The following TENM3 variants were observed in gnomAD, a reference collection of about 807,000 sequenced individuals.
TENM3 encodes teneurin transmembrane protein 3.
TENM3 carries 63 observed loss-of-function variants against 255.1 expected under a neutral mutation model. That is an observed-to-expected ratio of 0.25 (90% confidence interval 0.20 to 0.30). The LOEUF is 0.30. Among genes scored for constraint, TENM3 ranks in the 10% least tolerant of loss-of-function variants. The pLI is 1.00. For missense variants in TENM3, 2,929 were observed against 3,461.1 expected (o/e 0.85, Z 3.86); for synonymous variants, 1,306 against 1,322.3 (o/e 0.99, Z 0.27).
intron 13 of TENM3, among the ~76,000 whole-genome samples, chr4:182,717,470 A>C (rs1036399778): frequency 8.5e-5 from 13 of 152,168 alleles, no homozygotes; most frequent in African/African-American, 3.1e-4. Context: ...TGTTACCCGT[A>C]ATAAGGGCCC....
At chr4:182,065,408 G>A in the TENM3 span, among the ~76,000 whole-genome samples, 1 of 152,216 alleles carries the variant, frequency 6.6e-6, no homozygotes, top group East Asian at 1.9e-4. Flanking sequence ...AGCATGGCTG[G>A]GGAGGCCTGG....
chr4:182,622,390 T>C (rs1750375379), intron 4 of TENM3, among the ~76,000 whole-genome samples: 1 of 152,194 alleles, frequency 6.6e-6, no homozygotes, highest in Non-Finnish European at 1.5e-5. Flanking sequence ...CTCAAGCCCT[T>C]GCCAAGATTG....
intron 1 of TENM3, among the ~76,000 whole-genome samples, chr4:182,266,956 G>A (rs529087949): frequency 6.6e-6 from 1 of 152,234 alleles, no homozygotes; most frequent in East Asian, 1.9e-4. Flanking sequence ...TTAGAAGGTG[G>A]TTTATAATCA....
the TENM3 span, among the ~76,000 whole-genome samples, chr4:181,788,388 A>G: frequency 6.6e-6 from 1 of 152,194 alleles, no homozygotes. Flanking sequence ...AGCTCTTGCT[A>G]GATGCCAAGC....
chr4:181,729,725 G>C, the TENM3 span, among the ~76,000 whole-genome samples: 2 of 152,132 alleles, frequency 1.3e-5, no homozygotes, highest in African/African-American at 2.4e-5. Context: ...CTTTGGTCTT[G>C]TTGCCCTGCC....
chr4:182,653,994 A>G, intron 6 of TENM3, 101 bp downstream of exon 6: 1 of 1,128,212 alleles, frequency 8.9e-7, no homozygotes, highest in Non-Finnish European at 1.2e-6. Flanking sequence ...GGAACAGGGA[A>G]AAGTGTTCGA....
chr4:182,577,241 T>C (rs112712164), intron 3 of TENM3, among the ~76,000 whole-genome samples: 1,637 of 152,364 alleles, frequency 0.011, 38 homozygotes, highest in African/African-American at 0.037. Flanking sequence ...TATATCTGTA[T>C]GCTCAAAAGC....
chr4:181,957,903 G>A, the TENM3 span, among the ~76,000 whole-genome samples: 4 of 152,072 alleles, frequency 2.6e-5, no homozygotes, highest in Non-Finnish European at 5.9e-5. Context: ...TTATAGTTTC[G>A]GATTGTGCTG....
upstream of TENM3, among the ~76,000 whole-genome samples, chr4:182,140,986 T>TCCC (rs199951374): frequency 7.2e-3 from 831 of 114,916 alleles, 6 homozygotes; most frequent in South Asian, 0.017. Flanking sequence ...GCCCATTATA[T>TCCC]CCCTCCCCCC....
At chr4:181,521,592 T>G in the TENM3 span, among the ~76,000 whole-genome samples, 1 of 152,332 alleles carries the variant, frequency 6.6e-6, no homozygotes, top group South Asian at 2.1e-4. Context: ...AAGATTATAT[T>G]GTGTACAACA....
Position 182,775,170 on chromosome 4 carries a change from G to C in TENM3, c.5304+17G>C, listed in dbSNP as rs995025408. On this transcript the variant is annotated intron_variant, in intron 24 of 27. Transcript: ENST00000511685. ...AAGCTCAGGGTACGTACGTGTTGTGGAGCAGGAGATAGCTGCAGCCCTCTG... is the reference window on the plus strand; with the variant it reads ...AAGCTCAGGGTACGTACGTGTTGTGCAGCAGGAGATAGCTGCAGCCCTCTG... 2 of 1,610,624 alleles carry C rather than the reference G, an allele frequency of 1.2e-6. No individual in the cohort carries two copies. The highest frequency in any genetic ancestry group is 1.7e-5 in the Admixed American group (1 of 60,002).
At chr4:182,716,189 A>G (rs1400789959) in intron 13 of TENM3, among the ~76,000 whole-genome samples, 1 of 152,134 alleles carries the variant, frequency 6.6e-6, no homozygotes, top group Middle Eastern at 3.2e-3. Context: ...CCTTGATCAT[A>G]TAGTTCAGAT....
chr4:181,706,735 T>C, the TENM3 span, among the ~76,000 whole-genome samples: 3 of 152,224 alleles, frequency 2.0e-5, no homozygotes, highest in Non-Finnish European at 1.5e-5. Context: ...TCCTCTGCTA[T>C]CTGAGACCTG....
the TENM3 span, among the ~76,000 whole-genome samples, chr4:181,483,460 T>C: frequency 6.6e-6 from 1 of 152,146 alleles, no homozygotes; most frequent in Non-Finnish European, 1.5e-5. Context: ...CAGACTCATC[T>C]GCAAGTCTTA....
At chr4:182,106,443 C>A in the TENM3 span, among the ~76,000 whole-genome samples, 1 of 152,106 alleles carries the variant, frequency 6.6e-6, no homozygotes, top group Non-Finnish European at 1.5e-5. Context: ...GGCGATGGAG[C>A]GAGGCCCCTG....
At chr4:182,346,377 T>C (rs1764807153) in intron 2 of TENM3, among the ~76,000 whole-genome samples, 1 of 152,118 alleles carries the variant, frequency 6.6e-6, no homozygotes, top group African/African-American at 2.4e-5. Context: ...TTCTCATGGT[T>C]GGGGCCACTT....
chr4:182,714,672 C>T (rs1048766718), intron 13 of TENM3, among the ~76,000 whole-genome samples: 2 of 152,186 alleles, frequency 1.3e-5, no homozygotes, highest in African/African-American at 4.8e-5. Context: ...GAACAGTCCC[C>T]TGGATGCTGT....
chr4:181,551,834 GTATA>G, the TENM3 span, among the ~76,000 whole-genome samples: 69 of 16,064 alleles, frequency 4.3e-3, no homozygotes, highest in Non-Finnish European at 5.7e-3. Flanking sequence ...ATATATATAT[GTATA>G]TGTGTGTGTG....
At chr4:181,482,686 G>A in the TENM3 span, among the ~76,000 whole-genome samples, 3 of 152,196 alleles carry the variant, frequency 2.0e-5, no homozygotes, top group South Asian at 2.1e-4. Flanking sequence ...CCTCACCTCT[G>A]CTTTTGGGTC....
Sources: allele counts gnomAD v4.1 joint callset (sites outside exome capture counted in the v4.1 genomes callset), GRCh38; gene constraint gnomAD v4.1.1; transcripts MANE v1.5; gene names NCBI Gene and HGNC (gene_info 2026-07-23, HGNC 2026-07-21).